C4orf50: variants seen among roughly 807,000 people sequenced by gnomAD.
The protein encoded by C4orf50 is chromosome 4 open reading frame 50, also known as uncharacterized protein C4orf50.
In C4orf50, 80 loss-of-function variants were observed where a neutral mutation model predicts 77.2. That is an observed-to-expected ratio of 1.04 (90% CI 0.87 to 1.25). The LOEUF (loss-of-function observed/expected upper bound fraction) is 1.25. Among genes scored for constraint, C4orf50 ranks in the 50% most tolerant of loss-of-function variants. The pLI, the probability that C4orf50 is intolerant of heterozygous loss-of-function variation, is 0.00. For synonymous variants in C4orf50, 532 were observed against 465.3 expected (o/e 1.14, Z -1.84); for missense variants, 1,257 against 1,152.9 (o/e 1.09, Z -1.31).
intron 25 of C4orf50, among the ~76,000 whole-genome samples, chr4:6,003,615 G>GTGA (rs1416766272): frequency 7.4e-6 from 1 of 135,650 alleles, no homozygotes; most frequent in Non-Finnish European, 1.5e-5. Context: ...GGTGATGATG[G>GTGA]TGATGGTGGT....
chr4:5,915,785 T>C (rs1232803577), intron 7 of C4orf50, among the ~76,000 whole-genome samples: 1 of 152,232 alleles, frequency 6.6e-6, no homozygotes, highest in Non-Finnish European at 1.5e-5. Context: ...GCTAAGCATC[T>C]CCTGCCTGAC....
intron 7 of C4orf50, among the ~76,000 whole-genome samples, chr4:5,947,514 C>CATGCAGCCACGTGCAGA (rs1265518139): frequency 1.3e-5 from 2 of 152,310 alleles, no homozygotes; most frequent in East Asian, 3.9e-4. Flanking sequence ...GCGACCTGTC[C>CATGCAGCCACGTGCAGA]ATGCAGCCAC....
chr4:5,933,535 G>C (rs4416426), intron 7 of C4orf50, among the ~76,000 whole-genome samples: 107,338 of 152,192 alleles, frequency 0.71, 38,022 homozygotes, highest in East Asian at 0.84. Context: ...TACCTGCTCA[G>C]GTGGCTGGAG....
chr4:5,975,890 A>C lies in C4orf50; in HGVS notation c.3921+9T>G. The C allele has an allele frequency of 6.3e-7, 1 of 1,599,210 alleles. No individual in the cohort carries two copies. Among genetic ancestry groups the C allele is most frequent in the Non-Finnish European group, 8.6e-7 (1 of 1,166,410 alleles). Reference sequence around the variant, plus strand: ...GAGGCATTTCATGTTGATTTTATGAACATATTACCTTCAGGGGAGTCACTG... The same window carrying C: ...GAGGCATTTCATGTTGATTTTATGACCATATTACCTTCAGGGGAGTCACTG... On this transcript the variant is annotated intron_variant, in intron 30 of 33. Coordinates refer to ENST00000531445, the Ensembl canonical transcript of C4orf50.
intron 7 of C4orf50, among the ~76,000 whole-genome samples, chr4:5,914,144 G>A (rs545077878): frequency 4.6e-5 from 7 of 151,230 alleles, no homozygotes; most frequent in East Asian, 1.9e-4. Flanking sequence ...AAACTTACCC[G>A]CAGGGATAAA....
At chr4:5,965,309 C>T (rs1312464118) in intron 32 of C4orf50, among the ~76,000 whole-genome samples, 164 bp from the exon 11 acceptor site, 1 of 152,190 alleles carries the variant, frequency 6.6e-6, no homozygotes, top group Non-Finnish European at 1.5e-5. Context: ...TTTGAGCTCT[C>T]CAAGGACCTC....
chr4:5,969,498 T>C (rs894858382), intron 31 of C4orf50, among the ~76,000 whole-genome samples: 2 of 151,522 alleles, frequency 1.3e-5, no homozygotes. Context: ...AATGAGCATC[T>C]TCCTTACTAG....
intron 7 of C4orf50, among the ~76,000 whole-genome samples, chr4:5,912,563 C>T (rs918175492): frequency 4.6e-5 from 7 of 152,216 alleles, no homozygotes; most frequent in Non-Finnish European, 7.4e-5. Context: ...TTCTAAAATG[C>T]ACCCAGTATT....
rs1717798714 is a variant in C4orf50, at chr4:5,932,212, C to CTCTG, written c.*2474+24688_*2474+24689insCAGA. On this transcript the variant is annotated intron_variant, in intron 7 of 7. Coordinates refer to the C4orf50 transcript ENST00000324058. This position sits in a 1 kb window ranked among gnomAD's most constrained non-coding sequence, Gnocchi z 4.2. ...GGTGAACCATGCACACAGTTCTTGG[C>CTCTG]TGAATGCCCCACAGAGCAGAAGCGT... Among the ~76,000 whole-genome samples, 1 of 152,176 alleles carries CTCTG rather than the reference C, an allele frequency of 6.6e-6. No individual in the cohort carries two copies. The highest frequency in any genetic ancestry group is 6.5e-5 in the Admixed American group (1 of 15,280).
chr4:5,912,452 GA>G (rs1163402936), intron 7 of C4orf50, among the ~76,000 whole-genome samples: 1 of 152,196 alleles, frequency 6.6e-6, no homozygotes, highest in Non-Finnish European at 1.5e-5. Context: ...GAGCTGGGAT[GA>G]GTGTACAAAG....
intron 25 of C4orf50, among the ~76,000 whole-genome samples, chr4:6,004,266 T>G (rs1409936071): frequency 1.6e-5 from 1 of 63,168 alleles, no homozygotes; most frequent in Non-Finnish European, 3.0e-5. Context: ...ATGGTGATGG[T>G]GGTGATGGTG....
intron 7 of C4orf50, among the ~76,000 whole-genome samples, chr4:5,928,582 C>T (rs769532069): frequency 1.3e-5 from 2 of 152,088 alleles, no homozygotes; most frequent in Non-Finnish European, 2.9e-5. Context: ...GGAGGAAGGA[C>T]GAGCACCGGG....
rs541324631 is a variant in C4orf50, at chr4:6,009,967, G to A, written c.427-1435C>T. On this transcript the variant is annotated intron_variant, in intron 24 of 33. Transcript: ENST00000531445. The surrounding 1 kb of genome is among the most constrained non-coding windows in gnomAD (Gnocchi z 5.6). Reference sequence around the variant, plus strand: ...CATGAGACAGATTTAATAAGACGACGCGTGTAGAAAAGGGCTTAGTGTTCC... The same window carrying A: ...CATGAGACAGATTTAATAAGACGACACGTGTAGAAAAGGGCTTAGTGTTCC... 4.6e-5 allele frequency among the ~76,000 whole-genome samples: 7 copies of A among 152,210 alleles called. No individual in the cohort carries two copies. The East Asian group carries it at 5.8e-4, about 13-fold the overall frequency.
intron 7 of C4orf50, among the ~76,000 whole-genome samples, chr4:5,923,017 C>T (rs1717350292): frequency 6.6e-6 from 1 of 152,190 alleles, no homozygotes; most frequent in Non-Finnish European, 1.5e-5. Context: ...ATCCACTTTT[C>T]ACACATTTTC....
At chr4:5,980,271 C>T (rs368691102) in exon 29 of C4orf50, 180 of 1,612,942 alleles carry the variant, frequency 1.1e-4, no homozygotes, top group African/African-American at 3.7e-4. Context: ...GGTCAGCACC[C>T]GGTGATGGAG....
In C4orf50 at chr4:6,000,484, G is replaced by T. The variant is rs192799852; in HGVS notation, c.964-6008C>A. ...TTTGACCTCAAGATGCTGTTTGTGG[G>T]CCATCAGCTTCCTTCTGAGAGATGG... On this transcript the variant is annotated intron_variant, in intron 25 of 33. Coordinates refer to ENST00000531445, the Ensembl canonical transcript of C4orf50. This position sits in a 1 kb window ranked among gnomAD's most constrained non-coding sequence, Gnocchi z 6.0. Among the ~76,000 whole-genome samples the T allele has an allele frequency of 1.4e-4, 22 of 152,190 alleles. No individual in the cohort carries two copies. Among genetic ancestry groups the T allele is most frequent in the African/African-American group, 5.1e-4 (21 of 41,528 alleles).
intron 24 of C4orf50, among the ~76,000 whole-genome samples, chr4:6,010,996 C>T (rs1722472645): frequency 6.6e-6 from 1 of 152,166 alleles, no homozygotes; most frequent in Non-Finnish European, 1.5e-5. Flanking sequence ...GTCACTTGCC[C>T]AAGGTCACAC....
chr4:5,927,536 G>T (rs1374306323), intron 7 of C4orf50, among the ~76,000 whole-genome samples: 2 of 151,874 alleles, frequency 1.3e-5, no homozygotes, highest in Non-Finnish European at 2.9e-5. Flanking sequence ...ATTAGATCAT[G>T]GGGGAGGTTC....
intron 7 of C4orf50, among the ~76,000 whole-genome samples, chr4:5,921,129 C>T (rs117266852): frequency 6.6e-6 from 1 of 152,360 alleles, no homozygotes; most frequent in East Asian, 1.9e-4. Context: ...GTTCCAGCTC[C>T]CCATCCATTG....
Sources: allele counts gnomAD v4.1 joint callset (sites outside exome capture counted in the v4.1 genomes callset), GRCh38; gene constraint gnomAD v4.1.1; non-coding constraint Gnocchi (gnomAD v3.1); transcripts MANE v1.5; gene names NCBI Gene and HGNC (gene_info 2026-07-23, HGNC 2026-07-21).